Variants in ADGRL3 observed in about 807,000 individuals in gnomAD.
ADGRL3 encodes calcium-independent alpha-latrotoxin receptor 3.
A neutral mutation model predicts 153.5 loss-of-function variants in ADGRL3; 62 were observed. The observed-to-expected ratio is 0.40, with a 90% CI of 0.33 to 0.50. The LOEUF (loss-of-function observed/expected upper bound fraction) is 0.50. Ranked by LOEUF, ADGRL3 falls within the 20% of genes least tolerant of loss-of-function variation. The probability of loss-of-function intolerance (pLI) is 0.47; values close to 1 mark genes in which losing one functional copy is unlikely to be tolerated. For missense variants in ADGRL3, 1,641 were observed against 1,859.4 expected (o/e 0.88, Z 2.16); for synonymous variants, 710 against 672.5 (o/e 1.06, Z -0.86).
At chr4:61,555,860 TGC>T (rs1233826534) in intron 4 of ADGRL3, among the ~76,000 whole-genome samples, 4 of 152,200 alleles carry the variant, frequency 2.6e-5, no homozygotes, top group African/African-American at 4.8e-5. Context: ...AAACTATCAC[TGC>T]GCTGGTGGGA....
chr4:61,669,334 C>T, intron 5 of ADGRL3, among the ~76,000 whole-genome samples: 1 of 152,016 alleles, frequency 6.6e-6, no homozygotes, highest in East Asian at 1.9e-4. Context: ...ATAAGCAAGT[C>T]TTAGGATGAC....
chr4:61,685,217 C>G (rs1290736387), intron 6 of ADGRL3, among the ~76,000 whole-genome samples: 1 of 152,032 alleles, frequency 6.6e-6, no homozygotes, highest in Non-Finnish European at 1.5e-5. Context: ...CTGCACCTGG[C>G]CCATTTTTTT....
chr4:61,757,103 C>T (rs1051191260), intron 8 of ADGRL3, among the ~76,000 whole-genome samples: 62 of 151,986 alleles, frequency 4.1e-4, no homozygotes, highest in Non-Finnish European at 8.2e-4. Context: ...TGTCTCTGCC[C>T]GGCTTTTGGT....
chr4:61,485,576 TA>T (rs2098181737), intron 2 of ADGRL3, among the ~76,000 whole-genome samples: 1 of 152,184 alleles, frequency 6.6e-6, no homozygotes, highest in Non-Finnish European at 1.5e-5. Flanking sequence ...GAAACTATGT[TA>T]TGTTAACCTA....
At chr4:62,004,255 G>A (rs1346139563) in intron 21 of ADGRL3, among the ~76,000 whole-genome samples, 1 of 151,874 alleles carries the variant, frequency 6.6e-6, no homozygotes, top group Non-Finnish European at 1.5e-5. Context: ...GCATCTTAAT[G>A]TTAATAATAA....
At chr4:61,888,833 A>G (rs1444389347) in intron 9 of ADGRL3, among the ~76,000 whole-genome samples, 2 of 152,182 alleles carry the variant, frequency 1.3e-5, no homozygotes, top group Non-Finnish European at 2.9e-5. Flanking sequence ...GCTTCATAAG[A>G]GTATATTCAC....
chr4:61,946,163 A>C (rs182899097), intron 15 of ADGRL3, among the ~76,000 whole-genome samples: 23 of 152,276 alleles, frequency 1.5e-4, no homozygotes, highest in South Asian at 8.3e-4. Flanking sequence ...AAACAGTTGA[A>C]CTATTTTACA....
intron 24 of ADGRL3, among the ~76,000 whole-genome samples, chr4:62,039,647 C>G (rs1037356977): frequency 3.3e-5 from 5 of 152,092 alleles, no homozygotes; most frequent in African/African-American, 1.2e-4. Context: ...ATTTGCCAAA[C>G]AGAGATCTGA....
chr4:62,007,462 A>G lies in ADGRL3; in HGVS notation c.3395+9197A>G, dbSNP rs1159178767. On this transcript the variant is annotated intron_variant, in intron 21 of 26. Transcript: ENST00000683033. Reference sequence around the variant, plus strand: ...TATACACACACATATATATACATATATGTGTGTGTATATATATATATATGT... The same window carrying G: ...TATACACACACATATATATACATATGTGTGTGTGTATATATATATATATGT... 3.0e-5 allele frequency among the ~76,000 whole-genome samples: 4 copies of G among 132,798 alleles called. No homozygotes were observed. In the East Asian group the frequency reaches 8.5e-4, roughly 28 times the overall value. The allele number at this position is 132,798 out of a possible 152,430, so 87.1% of individuals were successfully genotyped here.
chr4:61,258,684 G>A (rs9683789), intron 1 of ADGRL3, among the ~76,000 whole-genome samples: 11,485 of 152,142 alleles, frequency 0.075, 401 homozygotes, highest in Non-Finnish European at 0.091. Context: ...CACTTCTAAG[G>A]TGTTGTCTAA....
chr4:61,743,963 G>A (rs2096617816), intron 8 of ADGRL3, among the ~76,000 whole-genome samples: 1 of 152,208 alleles, frequency 6.6e-6, no homozygotes, highest in Non-Finnish European at 1.5e-5. Flanking sequence ...CCTAGTCAAA[G>A]AAAGGGGTTA....
chr4:61,853,121 G>A (rs1461765884), intron 9 of ADGRL3, among the ~76,000 whole-genome samples: 2 of 151,964 alleles, frequency 1.3e-5, no homozygotes, highest in African/African-American at 2.4e-5. Flanking sequence ...CTCCAGGTGT[G>A]GAGCCACTGC....
At chr4:61,835,634 T>G (rs1337449184) in intron 9 of ADGRL3, among the ~76,000 whole-genome samples, 1 of 152,116 alleles carries the variant, frequency 6.6e-6, no homozygotes, top group Non-Finnish European at 1.5e-5. Flanking sequence ...AAAGACATAG[T>G]AAGGAGTTTC....
chr4:61,539,338 C>T (rs370780356), intron 4 of ADGRL3, among the ~76,000 whole-genome samples: 2 of 152,198 alleles, frequency 1.3e-5, no homozygotes, highest in South Asian at 4.1e-4. Flanking sequence ...AGACGGCCTT[C>T]TCTCCACGCC....
chr4:61,351,436 A>T (rs952787534), intron 1 of ADGRL3, among the ~76,000 whole-genome samples: 1 of 152,244 alleles, frequency 6.6e-6, no homozygotes, highest in African/African-American at 2.4e-5. Context: ...ACAAAACAAA[A>T]GATTTTCAAT....
intron 4 of ADGRL3, among the ~76,000 whole-genome samples, chr4:61,569,744 T>C (rs2098830800): frequency 6.6e-6 from 1 of 152,206 alleles, no homozygotes; most frequent in African/African-American, 2.4e-5. Flanking sequence ...AGTTATAACA[T>C]ATATCTGTAC....
intron 17 of ADGRL3, among the ~76,000 whole-genome samples, chr4:61,956,763 A>T (rs1286098943): frequency 6.6e-6 from 1 of 152,184 alleles, no homozygotes; most frequent in Non-Finnish European, 1.5e-5. Flanking sequence ...ATGGCTAGTC[A>T]GTTTTCCCAG....
intron 9 of ADGRL3, among the ~76,000 whole-genome samples, chr4:61,862,198 T>C (rs2098347955): frequency 6.6e-6 from 1 of 152,216 alleles, no homozygotes; most frequent in Non-Finnish European, 1.5e-5. Flanking sequence ...ACATGGGTCT[T>C]TCCATTTTAA....
At chr4:61,747,659 C>G (rs558311364) in intron 8 of ADGRL3, among the ~76,000 whole-genome samples, 57 of 144,122 alleles carry the variant, frequency 4.0e-4, no homozygotes, top group South Asian at 9.0e-4. Flanking sequence ...ATTCAACAAC[C>G]CTTCATGCTA....
Sources: gnomAD v4.1 joint callset for allele counts (sites outside exome capture counted in the v4.1 genomes callset) on GRCh38, gnomAD v4.1.1 for gene constraint, MANE v1.5 for transcripts, NCBI Gene and HGNC (gene_info 2026-07-23, HGNC 2026-07-21) for gene names.